EPM2A: variants seen among roughly 807,000 people sequenced by gnomAD.
EPM2A encodes the protein EPM2A glucan phosphatase, laforin.
Under a neutral mutation model 26.5 loss-of-function variants are expected in EPM2A, and 21 were observed. The ratio of observed to expected loss-of-function variants is 0.79; its 90% confidence interval spans 0.56 to 1.14. The LOEUF (loss-of-function observed/expected upper bound fraction) is 1.14, where lower values mean the gene tolerates loss of function less well. Among genes scored for constraint, EPM2A ranks in the 50% most tolerant of loss-of-function variants. EPM2A has a pLI of 0.00. For missense variants in EPM2A, 458 were observed against 440.8 expected, an observed-to-expected ratio of 1.04 and a Z score of -0.35; for synonymous variants, 217 against 177.6, an observed-to-expected ratio of 1.22 and a Z score of -1.76.
rs1367640742 is a variant in EPM2A at position 145,570,996 on chromosome 6, ATTG to A, written c.340+64246_340+64248del. ...CAATCATAACTTCCAGTTTAATAGAATTGTTGTTGTGTCTCCTGGTGGCAGCAT... is the reference window on the plus strand; with the variant it reads ...CAATCATAACTTCCAGTTTAATAGAATTGTTGTGTCTCCTGGTGGCAGCAT... On this transcript the variant is annotated intron_variant, in intron 2 of 3. Transcript: ENST00000450221. Among the ~76,000 whole-genome samples the A allele has an allele frequency of 9.9e-5, 15 of 152,230 alleles. No homozygotes were observed. In the East Asian group the frequency reaches 2.9e-3, roughly 29 times the overall value.
chr6:145,628,976 C>G (rs11155438), intron 3 of EPM2A: 56,274 of 152,218 alleles, frequency 0.37, 10,882 homozygotes, highest in South Asian at 0.51. Context: ...AGGCCTCTCA[C>G]TGGCCATTCC....
At chr6:145,477,072 A>G (rs1003969714) in intron 4 of EPM2A, among the ~76,000 whole-genome samples, 1 of 151,958 alleles carries the variant, frequency 6.6e-6, no homozygotes, top group African/African-American at 2.4e-5. Flanking sequence ...AAAAGAGACA[A>G]GGTCCAAGTA....
intron 1 of EPM2A, among the ~76,000 whole-genome samples, chr6:145,731,350 A>G (rs1202304371): frequency 6.6e-6 from 1 of 152,196 alleles, no homozygotes; most frequent in Non-Finnish European, 1.5e-5. Flanking sequence ...CTTCATTCAT[A>G]AAAATGAATG....
chr6:145,662,658 A>G (rs553147488), intron 2 of EPM2A, among the ~76,000 whole-genome samples: 1 of 152,276 alleles, frequency 6.6e-6, no homozygotes, highest in South Asian at 2.1e-4. Context: ...AAGAGGATAT[A>G]TCAGGGGTAA....
chr6:145,632,731 C>T (rs774645316), intron 3 of EPM2A, among the ~76,000 whole-genome samples: 40 of 152,252 alleles, frequency 2.6e-4, no homozygotes, highest in Admixed American at 4.6e-4. Flanking sequence ...GGGTTTTTCT[C>T]TAGAGTTCTA....
At chr6:145,463,719 A>G (rs2114718736) in intron 4 of EPM2A, among the ~76,000 whole-genome samples, 1 of 152,222 alleles carries the variant, frequency 6.6e-6, no homozygotes, top group South Asian at 2.1e-4. Context: ...AAATCTTTGT[A>G]TTTGCATCTT....
chr6:145,565,606 T>G (rs1780874729), intron 2 of EPM2A, among the ~76,000 whole-genome samples: 1 of 152,182 alleles, frequency 6.6e-6, no homozygotes, highest in Admixed American at 6.5e-5. Context: ...AGTAATTTAT[T>G]TGCTCTCTGA....
chr6:145,538,915 T>C (rs530805851), intron 2 of EPM2A, among the ~76,000 whole-genome samples: 12 of 152,200 alleles, frequency 7.9e-5, no homozygotes, highest in Admixed American at 1.3e-4. Flanking sequence ...AGTAAATACA[T>C]TGCACAGCTT....
chr6:145,464,148 C>T (rs1562345055), intron 4 of EPM2A, among the ~76,000 whole-genome samples: 1 of 151,970 alleles, frequency 6.6e-6, no homozygotes, highest in African/African-American at 2.4e-5. Context: ...GGAGCAGATT[C>T]CCCCATGCTG....
intron 2 of EPM2A, among the ~76,000 whole-genome samples, chr6:145,556,361 A>C (rs1780728266): frequency 6.6e-6 from 1 of 152,126 alleles, no homozygotes; most frequent in Non-Finnish European, 1.5e-5. Flanking sequence ...TTTATTTCTG[A>C]TGAGCAGAGA....
chr6:145,408,575 T>C (rs1226525152), intron 4 of EPM2A, among the ~76,000 whole-genome samples: 1 of 152,136 alleles, frequency 6.6e-6, no homozygotes, highest in Non-Finnish European at 1.5e-5. Flanking sequence ...ATGACCCACT[T>C]AAGTGGGCCT....
intron 2 of EPM2A, among the ~76,000 whole-genome samples, chr6:145,572,770 G>T (rs998827201): frequency 6.6e-6 from 1 of 152,162 alleles, no homozygotes; most frequent in Non-Finnish European, 1.5e-5. Context: ...GACCCAAGTG[G>T]CAGAGCAGCT....
intron 2 of EPM2A, among the ~76,000 whole-genome samples, chr6:145,516,897 C>T (rs1780135542): frequency 6.6e-6 from 1 of 152,182 alleles, no homozygotes; most frequent in African/African-American, 2.4e-5. Flanking sequence ...TCTGCACTTT[C>T]ATGTTCATTA....
At chr6:145,704,341 T>A (rs1782097076) in intron 1 of EPM2A, among the ~76,000 whole-genome samples, 1 of 152,148 alleles carries the variant, frequency 6.6e-6, no homozygotes, top group Non-Finnish European at 1.5e-5. Context: ...ATACAAACTA[T>A]AAAAATTACA....
chr6:145,634,677 G>C (rs537700002), intron 3 of EPM2A: 1 of 153,976 alleles, frequency 6.5e-6, no homozygotes, highest in East Asian at 1.9e-4. Flanking sequence ...GCAACACTCT[G>C]TGCTCTCTCC....
At chr6:145,685,862 G>C (rs1780864489) in intron 2 of EPM2A, among the ~76,000 whole-genome samples, 1 of 152,144 alleles carries the variant, frequency 6.6e-6, no homozygotes, top group South Asian at 2.1e-4. Context: ...TAAGTACACA[G>C]ATTGGTTAGC....
At chr6:145,587,296 T>C (rs538527945) in intron 2 of EPM2A, among the ~76,000 whole-genome samples, 1 of 152,318 alleles carries the variant, frequency 6.6e-6, no homozygotes, top group Admixed American at 6.5e-5. Flanking sequence ...AAAAACATGT[T>C]TCTATTTTGT....
At chr6:145,634,067 A>G (rs1022308243) in intron 3 of EPM2A, among the ~76,000 whole-genome samples, 1 of 152,098 alleles carries the variant, frequency 6.6e-6, no homozygotes, top group Non-Finnish European at 1.5e-5. Context: ...CATAATATAC[A>G]TTTGGGGGAA....
chr6:145,664,183 A>G, intron 2 of EPM2A, among the ~76,000 whole-genome samples: 1 of 86,288 alleles, frequency 1.2e-5, no homozygotes, highest in African/African-American at 5.1e-5. Flanking sequence ...TTAAATGTAA[A>G]TGGACTAAAT....
Sources: gnomAD v4.1 joint callset for allele counts (sites outside exome capture counted in the v4.1 genomes callset) on GRCh38, gnomAD v4.1.1 for gene constraint, MANE v1.5 for transcripts, NCBI Gene and HGNC (gene_info 2026-07-23, HGNC 2026-07-21) for gene names.